Variants in TMEM132D observed in about 807,000 individuals in gnomAD.
The protein encoded by TMEM132D is transmembrane protein 132D, also known as mature OL transmembrane protein.
Under a neutral mutation model 62.3 loss-of-function variants are expected in TMEM132D, and 21 were observed. The ratio of observed to expected loss-of-function variants is 0.34; its 90% CI spans 0.24 to 0.49. The LOEUF (loss-of-function observed/expected upper bound fraction) is 0.49. TMEM132D is among the 20% of genes least tolerant of loss of function. The probability of loss-of-function intolerance (pLI) is 0.99; values close to 1 mark genes in which losing one functional copy is unlikely to be tolerated. For missense variants in TMEM132D, 1,346 were observed against 1,402.8 expected, an observed-to-expected ratio of 0.96 and a Z score of 0.65; for synonymous variants, 621 against 575.6, an observed-to-expected ratio of 1.08 and a Z score of -1.13.
In TMEM132D at chr12:129,711,497, G is replaced by A. The variant is rs190854746; in HGVS notation, c.80-10799C>T. 4.2e-4 allele frequency among the ~76,000 whole-genome samples: 64 copies of A among 152,228 alleles called. 1 individual carries two copies. Among genetic ancestry groups the A allele is most frequent in the African/African-American group, 1.3e-3 (54 of 41,554 alleles). On this transcript the variant is annotated intron_variant, in intron 1 of 8. Transcript: ENST00000422113. ...TCCCAGCACTTTGGGAGGCCATGGC[G>A]GGTGGATCACCTGAGGTCAGGTGTT...
At position 129,792,468 on chromosome 12, in the gene TMEM132D, G is replaced by A. The variant is rs77046482; in HGVS notation, c.80-91770C>T. On this transcript the variant is annotated intron_variant, in intron 1 of 8. Coordinates refer to ENST00000422113, the MANE Select transcript of TMEM132D (RefSeq NM_133448.3). ...AATGTTAGCTATTTTTATAATCACT[G>A]AGTATTTATTCCATGGATTGTCTCA... Among the ~76,000 whole-genome samples the A allele has an allele frequency of 4.6e-3, 705 of 152,276 alleles. 13 individuals are homozygous for A. In the East Asian group the frequency reaches 0.064, roughly 14 times the overall value.
At chr12:129,839,901 C>T (rs1298691177) in intron 1 of TMEM132D, 2 of 152,120 alleles carry the variant, frequency 1.3e-5, no homozygotes, top group Non-Finnish European at 2.9e-5. Flanking sequence ...AACCCAGCTC[C>T]CACACAGAAC....
At chr12:129,546,633 C>A (rs1436929668) in intron 2 of TMEM132D, among the ~76,000 whole-genome samples, 1 of 151,920 alleles carries the variant, frequency 6.6e-6, no homozygotes, top group East Asian at 1.9e-4. Context: ...AACCCCGTCT[C>A]TACTAAAAAT....
intron 3 of TMEM132D, among the ~76,000 whole-genome samples, chr12:129,406,779 G>A (rs1871803790): frequency 6.6e-6 from 1 of 152,154 alleles, no homozygotes; most frequent in African/African-American, 2.4e-5. Flanking sequence ...AGTGTGGATG[G>A]CAGCCCTGCG....
chr12:129,220,729 A>G (rs1879324637), intron 4 of TMEM132D, among the ~76,000 whole-genome samples: 1 of 152,174 alleles, frequency 6.6e-6, no homozygotes, highest in Non-Finnish European at 1.5e-5. Flanking sequence ...TTTGTCCACC[A>G]CAGACTAAAT....
intron 4 of TMEM132D, among the ~76,000 whole-genome samples, chr12:129,283,512 C>A (rs957038867): frequency 6.6e-6 from 1 of 152,186 alleles, no homozygotes; most frequent in Admixed American, 6.5e-5. Flanking sequence ...TATTTTTAAA[C>A]TCTTGTCTCC....
chr12:129,139,844 G>A (rs1218084230), intron 5 of TMEM132D, among the ~76,000 whole-genome samples: 3 of 151,882 alleles, frequency 2.0e-5, no homozygotes, highest in Non-Finnish European at 4.4e-5. Context: ...CTGAGTAGCT[G>A]GGACTACAGG....
chr12:129,469,932 G>A (rs1323326391), intron 3 of TMEM132D, among the ~76,000 whole-genome samples: 1 of 152,170 alleles, frequency 6.6e-6, no homozygotes, highest in African/African-American at 2.4e-5. Flanking sequence ...CTGCACTGGG[G>A]GGTCATAATC....
At chr12:129,548,955 C>A (rs1289326998) in intron 2 of TMEM132D, among the ~76,000 whole-genome samples, 1 of 152,230 alleles carries the variant, frequency 6.6e-6, no homozygotes. Flanking sequence ...AAGAAAGGAG[C>A]ACCTCTGAAA....
chr12:129,606,486 G>A (rs942509883), intron 2 of TMEM132D, among the ~76,000 whole-genome samples: 2 of 152,164 alleles, frequency 1.3e-5, no homozygotes, highest in African/African-American at 4.8e-5. Flanking sequence ...CTCAGTGAGA[G>A]AGAGACCTGG....
chr12:129,201,226 C>A (rs529667837), intron 5 of TMEM132D, among the ~76,000 whole-genome samples: 210 of 152,170 alleles, frequency 1.4e-3, no homozygotes, highest in Non-Finnish European at 2.4e-3. Flanking sequence ...AAAACAAAAA[C>A]CTCAGCAAAT....
At chr12:129,147,350 A>C (rs1225277757) in intron 5 of TMEM132D, among the ~76,000 whole-genome samples, 1 of 151,342 alleles carries the variant, frequency 6.6e-6, no homozygotes, top group Admixed American at 6.6e-5. Context: ...TTTCTGAACA[A>C]TTTGAGAGTA....
chr12:129,281,841 C>A (rs1409320987), intron 4 of TMEM132D, among the ~76,000 whole-genome samples: 1 of 149,628 alleles, frequency 6.7e-6, no homozygotes, highest in African/African-American at 2.5e-5. Context: ...CCTCAAACCT[C>A]CTCAAACTAC....
Position 129,764,896 on chromosome 12 carries a change from A to G in TMEM132D, c.80-64198T>C, listed in dbSNP as rs112717440. Among the ~76,000 whole-genome samples the G allele has an allele frequency of 3.9e-3, 601 of 152,220 alleles. 5 individuals carry two copies. The highest frequency in any genetic ancestry group is 0.014 in the African/African-American group (583 of 41,518). On this transcript the variant is annotated intron_variant, in intron 1 of 8. Coordinates refer to ENST00000422113, the MANE Select transcript of TMEM132D (RefSeq NM_133448.3). ...GTTGAGGCTGCAGTGAGCTGTGATC[A>G]CACCATCACACTCCAGCCTGGGGGC... is the stretch of plus-strand genomic sequence containing the variant.
intron 1 of TMEM132D, among the ~76,000 whole-genome samples, chr12:129,772,384 T>G (rs1870782864): frequency 6.6e-6 from 1 of 152,150 alleles, no homozygotes; most frequent in African/African-American, 2.4e-5. Flanking sequence ...TAGTAAGAAA[T>G]TTAAGTCATT....
At chr12:129,486,827 G>A (rs1269936798) in intron 3 of TMEM132D, among the ~76,000 whole-genome samples, 4 of 58,730 alleles carry the variant, frequency 6.8e-5, no homozygotes, top group East Asian at 4.5e-4. Flanking sequence ...AGCACATGGG[G>A]GCACCTAGCT....
chr12:129,225,198 A>G (rs989919922), intron 4 of TMEM132D, among the ~76,000 whole-genome samples: 2 of 152,194 alleles, frequency 1.3e-5, no homozygotes, highest in Non-Finnish European at 2.9e-5. Context: ...GATTTCATAC[A>G]TGAAAGGTGG....
chr12:129,523,137 C>A (rs1875905425), intron 3 of TMEM132D, among the ~76,000 whole-genome samples: 1 of 152,154 alleles, frequency 6.6e-6, no homozygotes, highest in Non-Finnish European at 1.5e-5. Flanking sequence ...CAGACACACA[C>A]ACTTATTGAA....
rs576001987 is a variant in TMEM132D, at chr12:129,224,155, A to G, written c.1300-14492T>C. Among the ~76,000 whole-genome samples, 4 of 152,222 alleles carry G rather than the reference A, an allele frequency of 2.6e-5. No individual in the cohort carries two copies. The East Asian group carries it at 7.7e-4, about 29-fold the overall frequency. ...TTGTCCTTGGATTCTGTTTCTTTTC[A>G]TTATAATACTTTGTGTCTCCTGGAG... is the stretch of plus-strand genomic sequence containing the variant. On this transcript the variant is annotated intron_variant, in intron 4 of 8. Transcript: ENST00000422113.
Sources: allele counts gnomAD v4.1 joint callset (sites outside exome capture counted in the v4.1 genomes callset), GRCh38; gene constraint gnomAD v4.1.1; transcripts MANE v1.5; gene names NCBI Gene and HGNC (gene_info 2026-07-23, HGNC 2026-07-21).